The following KCNJ3 variants were observed in gnomAD, a reference collection of about 807,000 sequenced individuals.
The protein encoded by KCNJ3 is G protein-activated inward rectifier potassium channel 1.
Under a neutral mutation model 39.2 loss-of-function variants are expected in KCNJ3, and 4 were observed. The observed-to-expected ratio is 0.10, with a 90% confidence interval of 0.05 to 0.23. The LOEUF (loss-of-function observed/expected upper bound fraction) is 0.23, where lower values mean the gene tolerates loss of function less well. Among genes scored for constraint, KCNJ3 ranks in the 10% least tolerant of loss-of-function variants. The probability of loss-of-function intolerance (pLI) is 1.00; values close to 1 mark genes in which losing one functional copy is unlikely to be tolerated. For missense variants in KCNJ3, 276 were observed against 634.9 expected (o/e 0.43, Z 6.08); for synonymous variants, 230 against 237.4 (o/e 0.97, Z 0.29).
At chr2:154,757,350 G>T (rs1038731947) in intron 2 of KCNJ3, among the ~76,000 whole-genome samples, 1 of 152,044 alleles carries the variant, frequency 6.6e-6, no homozygotes, top group African/African-American at 2.4e-5. Context: ...TATTGCAAAG[G>T]CTGGGTCAAG....
chr2:154,786,048 G>T (rs1686523939), intron 2 of KCNJ3, among the ~76,000 whole-genome samples: 1 of 152,146 alleles, frequency 6.6e-6, no homozygotes, highest in Non-Finnish European at 1.5e-5. Context: ...TGAAATTGAT[G>T]GTTATCTGTC....
intron 2 of KCNJ3, among the ~76,000 whole-genome samples, chr2:154,794,800 T>C (rs900997266): frequency 2.0e-5 from 3 of 152,048 alleles, no homozygotes; most frequent in Non-Finnish European, 4.4e-5. Context: ...TGACTAGTCA[T>C]ACTGAGATGT....
intron 2 of KCNJ3, among the ~76,000 whole-genome samples, chr2:154,808,133 T>C (rs145621011): frequency 0.032 from 4,777 of 150,446 alleles, 115 homozygotes; most frequent in Non-Finnish European, 0.05. Flanking sequence ...CAGGCTGGAG[T>C]GCAGTGGAAC....
chr2:154,774,345 A>G (rs1003358953), intron 2 of KCNJ3, among the ~76,000 whole-genome samples: 9 of 151,876 alleles, frequency 5.9e-5, no homozygotes, highest in African/African-American at 2.2e-4. Flanking sequence ...GCACTTGGAT[A>G]AAGAAAGTTA....
chr2:154,716,729 G>T (rs968688503), intron 2 of KCNJ3, among the ~76,000 whole-genome samples: 3 of 152,034 alleles, frequency 2.0e-5, no homozygotes, highest in African/African-American at 7.2e-5. Flanking sequence ...TTTGTTTATG[G>T]CTACTTATTT....
At chr2:154,701,703 T>C (rs1684899562) in intron 1 of KCNJ3, among the ~76,000 whole-genome samples, 1 of 152,094 alleles carries the variant, frequency 6.6e-6, no homozygotes, top group Non-Finnish European at 1.5e-5. Flanking sequence ...ACATATAATA[T>C]TCTTATAAAG....
chr2:154,747,428 T>A (rs1411399265), intron 2 of KCNJ3, among the ~76,000 whole-genome samples: 1 of 152,008 alleles, frequency 6.6e-6, no homozygotes, highest in African/African-American at 2.4e-5. Flanking sequence ...AAAACTTATA[T>A]AACAAAGTAT....
intron 2 of KCNJ3, among the ~76,000 whole-genome samples, chr2:154,789,392 A>G (rs1382582061): frequency 3.3e-5 from 5 of 152,026 alleles, no homozygotes; most frequent in Non-Finnish European, 7.4e-5. Flanking sequence ...TTTATGCAAG[A>G]CTTTATTAGG....
In KCNJ3 at chr2:154,856,370, T is replaced by C. The variant is rs1437619428; in HGVS notation, c.*1057T>C. On this transcript the variant is annotated 3_prime_UTR_variant, in exon 3 of 3. Coordinates refer to ENST00000295101, the MANE Select transcript of KCNJ3 (RefSeq NM_002239.4). ...AAATTGGAAACATTTTCTTTCTTTT[T>C]CTGGAAATTTTGTCCATTTTAAAAA... is the stretch of plus-strand genomic sequence containing the variant. 1 of 152,594 alleles carries C rather than the reference T, an allele frequency of 6.6e-6. No homozygotes were observed. The highest frequency in any genetic ancestry group is 1.9e-4 in the East Asian group (1 of 5,202). 9.5% of individuals were successfully genotyped at this position (152,594 alleles called of 1,614,324 possible). A position where few individuals can be genotyped will look rare whatever the true frequency, so the allele number is the denominator to read the frequency against.
chr2:154,829,848 T>C (rs1687333482), intron 2 of KCNJ3, among the ~76,000 whole-genome samples: 1 of 152,178 alleles, frequency 6.6e-6, no homozygotes, highest in African/African-American at 2.4e-5. Context: ...AGATGGTATC[T>C]TATTGTGGTT....
At chr2:154,753,998 C>T (rs1685894630) in intron 2 of KCNJ3, among the ~76,000 whole-genome samples, 1 of 152,112 alleles carries the variant, frequency 6.6e-6, no homozygotes, top group African/African-American at 2.4e-5. Context: ...TAATTTTTTA[C>T]TATGAATCTT....
intron 2 of KCNJ3, among the ~76,000 whole-genome samples, chr2:154,727,365 C>T (rs975574296): frequency 6.6e-6 from 1 of 151,566 alleles, no homozygotes; most frequent in Non-Finnish European, 1.5e-5. Flanking sequence ...ATGGGCGGAT[C>T]ACCTGAGGTC....
intron 2 of KCNJ3, among the ~76,000 whole-genome samples, chr2:154,832,921 C>A (rs549458145): frequency 6.6e-6 from 1 of 152,082 alleles, no homozygotes; most frequent in East Asian, 1.9e-4. Context: ...TTAGGTGACT[C>A]GGCAAAATGT....
Position 154,705,636 on chromosome 2 carries a change from G to A in KCNJ3, c.703-3967G>A, listed in dbSNP as rs557888758. ...TACACATAGAGCATTTACATATAAG[G>A]AAAATGTGAATAATTGAAATATTAT... On this transcript the variant is annotated intron_variant, in intron 1 of 2. Transcript: ENST00000295101. Among the ~76,000 whole-genome samples, 95 of 152,132 alleles carry A rather than the reference G, an allele frequency of 6.2e-4. 1 individual carries two copies. In the South Asian group the frequency reaches 9.8e-3, roughly 16 times the overall value.
rs1262177897 is a variant in KCNJ3, at chr2:154,854,876, A to T, written c.1069A>T (p.Ser357Cys). The T allele has an allele frequency of 1.1e-5, 17 of 1,613,906 alleles. No homozygotes were observed. The highest frequency in any genetic ancestry group is 1.3e-5 in the Non-Finnish European group (15 of 1,179,964). Residue 357 changes from serine to cysteine, a missense_variant, in exon 3 of 3, where the codon AGT (serine) becomes TGT (cysteine). Transcript: ENST00000295101. ...ATTTGAAGTCCCCACCCCACCTTAC[A>T]GTGTGAAAGAGCAGGAGGAAATGCT... ...ATFEVPTPPY[S>C]VKEQEEMLLM... is the part of the protein sequence containing the mutation.
intron 2 of KCNJ3, among the ~76,000 whole-genome samples, chr2:154,718,266 CTT>C (rs926194461): frequency 6.6e-6 from 1 of 152,132 alleles, no homozygotes; most frequent in African/African-American, 2.4e-5. Context: ...AAAACTCAAA[CTT>C]TTTGAGGCCA....
chr2:154,807,893 C>G (rs951171615), intron 2 of KCNJ3, among the ~76,000 whole-genome samples: 2 of 152,026 alleles, frequency 1.3e-5, no homozygotes, highest in Non-Finnish European at 2.9e-5. Context: ...TGTCTCTCCC[C>G]ACTCTATCCC....
chr2:154,836,544 T>C (rs1402855350), intron 2 of KCNJ3, among the ~76,000 whole-genome samples: 1 of 152,190 alleles, frequency 6.6e-6, no homozygotes, highest in Non-Finnish European at 1.5e-5. Context: ...GAAAATTAAA[T>C]TCCTTTATCA....
intron 2 of KCNJ3, among the ~76,000 whole-genome samples, chr2:154,829,456 G>A (rs1034742689): frequency 2.6e-5 from 4 of 152,090 alleles, no homozygotes; most frequent in African/African-American, 7.2e-5. Flanking sequence ...CAAAGAACAC[G>A]ACCTTGTTCT....
Sources: allele counts gnomAD v4.1 joint callset (sites outside exome capture counted in the v4.1 genomes callset), GRCh38; gene constraint gnomAD v4.1.1; transcripts MANE v1.5; gene names NCBI Gene and HGNC (gene_info 2026-07-23, HGNC 2026-07-21).